The following OR51B5 variants were observed in gnomAD, a reference collection of about 807,000 sequenced individuals.
OR51B5 encodes olfactory receptor family 51 subfamily B member 5, also known as olfactory receptor 51B5.
For synonymous variants in OR51B5, 186 were observed against 144.8 expected (o/e 1.28, Z -2.04); for missense variants, 456 against 374.6 (o/e 1.22, Z -1.79).
At chr11:5,418,422 CAAAACAAAACAAAAAG>C (rs752064057) in intron 1 of OR51B5, among the ~76,000 whole-genome samples, 2 of 149,660 alleles carry the variant, frequency 1.3e-5, no homozygotes, top group Non-Finnish European at 3.0e-5. Flanking sequence ...AAAAACAAAA[CAAAACAAAACAAAAAG>C]AAAAACAAAA....
intron 1 of OR51B5, among the ~76,000 whole-genome samples, chr11:5,369,019 T>C (rs890652848): frequency 7.9e-5 from 12 of 152,168 alleles, no homozygotes; most frequent in African/African-American, 2.9e-4. Flanking sequence ...GTTTTTAGCC[T>C]CCTTCTGGGA....
At chr11:5,364,956 AG>A (rs1849343340) in intron 1 of OR51B5, among the ~76,000 whole-genome samples, 1 of 139,646 alleles carries the variant, frequency 7.2e-6, no homozygotes, top group African/African-American at 2.7e-5. Flanking sequence ...GCAGAGAGAG[AG>A]GGAAAAAAAT....
intron 1 of OR51B5, among the ~76,000 whole-genome samples, chr11:5,399,725 C>T (rs929025645): frequency 6.7e-6 from 1 of 149,914 alleles, no homozygotes; most frequent in African/African-American, 2.5e-5. Context: ...TGACCCTTAT[C>T]TGGCGGTAGA....
At chr11:5,494,343 G>A (rs1164772900) in intron 1 of OR51B5, among the ~76,000 whole-genome samples, 2 of 152,042 alleles carry the variant, frequency 1.3e-5, no homozygotes, top group Non-Finnish European at 2.9e-5. Flanking sequence ...GGACTTTATT[G>A]TCAGTACCTG....
intron 1 of OR51B5, among the ~76,000 whole-genome samples, chr11:5,410,487 A>G (rs753452356): frequency 3.7e-4 from 57 of 152,186 alleles, no homozygotes; most frequent in Admixed American, 1.5e-3. Context: ...TGACTTTTCA[A>G]TCAACAACGG....
At chr11:5,416,825 T>G (rs1850252057) in intron 1 of OR51B5, among the ~76,000 whole-genome samples, 1 of 151,598 alleles carries the variant, frequency 6.6e-6, no homozygotes, top group Non-Finnish European at 1.5e-5. Flanking sequence ...GTAGGAAGAA[T>G]CAATATTGTG....
intron 1 of OR51B5, among the ~76,000 whole-genome samples, chr11:5,467,700 G>A (rs1274567549): frequency 1.3e-5 from 2 of 152,184 alleles, no homozygotes; most frequent in East Asian, 1.9e-4. Context: ...TTCTGCTCAG[G>A]CATGTGCTTA....
intron 1 of OR51B5, among the ~76,000 whole-genome samples, chr11:5,400,988 G>C (rs944091741): frequency 2.6e-4 from 39 of 152,328 alleles, no homozygotes; most frequent in African/African-American, 9.1e-4. Flanking sequence ...AGGTGTGTCT[G>C]TGTGTGTTTG....
chr11:5,368,207 T>C (rs1485114807), intron 1 of OR51B5, among the ~76,000 whole-genome samples: 2 of 152,222 alleles, frequency 1.3e-5, no homozygotes, highest in Admixed American at 6.5e-5. Flanking sequence ...TTGAAACCTA[T>C]TGTTTCATGC....
At chr11:5,354,485 G>C (rs916768765) in intron 1 of OR51B5, among the ~76,000 whole-genome samples, 2 of 151,976 alleles carry the variant, frequency 1.3e-5, no homozygotes, top group African/African-American at 2.4e-5. Flanking sequence ...AAGTCCAAGA[G>C]AGGTGAAAGA....
chr11:5,418,959 G>A (rs111542391), intron 1 of OR51B5, among the ~76,000 whole-genome samples: 1 of 150,494 alleles, frequency 6.6e-6, no homozygotes. Context: ...TCTTGATATC[G>A]GTAATAGGGC....
chr11:5,431,371 A>G (rs1850533141), intron 1 of OR51B5: 3 of 261,120 alleles, frequency 1.1e-5, no homozygotes, highest in Admixed American at 9.7e-5. Context: ...AGCAGTGTAG[A>G]CACAGAGACG....
intron 1 of OR51B5, among the ~76,000 whole-genome samples, chr11:5,480,396 G>C (rs1028880666): frequency 7.9e-5 from 12 of 151,928 alleles, no homozygotes; most frequent in African/African-American, 1.9e-4. Context: ...AGGCCCACAA[G>C]AGAAAGCAGG....
chr11:5,477,822 A>T (rs1267814550), intron 1 of OR51B5, among the ~76,000 whole-genome samples: 1 of 152,174 alleles, frequency 6.6e-6, no homozygotes, highest in East Asian at 1.9e-4. Context: ...AAAACGGCGC[A>T]CCATGAGATT....
intron 1 of OR51B5, among the ~76,000 whole-genome samples, chr11:5,353,908 G>C (rs548278485): frequency 1.3e-5 from 2 of 152,294 alleles, no homozygotes; most frequent in South Asian, 4.1e-4. Flanking sequence ...TTCCAGGCTA[G>C]TAAATGATCT....
chr11:5,441,987 C>T (rs1850695874), intron 1 of OR51B5, among the ~76,000 whole-genome samples: 1 of 152,152 alleles, frequency 6.6e-6, no homozygotes, highest in Non-Finnish European at 1.5e-5. Context: ...ACTTTTCTAT[C>T]CCTGAAATCC....
At chr11:5,466,026 A>G (rs1334582410) in intron 1 of OR51B5, among the ~76,000 whole-genome samples, 1 of 152,012 alleles carries the variant, frequency 6.6e-6, no homozygotes, top group Non-Finnish European at 1.5e-5. Flanking sequence ...CAGGCAACCT[A>G]CAAAATGGGA....
intron 1 of OR51B5, among the ~76,000 whole-genome samples, chr11:5,410,179 T>C (rs1850123588): frequency 6.6e-6 from 1 of 151,670 alleles, no homozygotes. Flanking sequence ...AAATATGGAG[T>C]GAAATTAAAA....
chr11:5,399,481 G>T (rs573044670), intron 1 of OR51B5, among the ~76,000 whole-genome samples: 1 of 152,124 alleles, frequency 6.6e-6, no homozygotes, highest in African/African-American at 2.4e-5. Context: ...TGTGCACAAA[G>T]GTAAAGTACG....
Sources: gnomAD v4.1 joint callset for allele counts (sites outside exome capture counted in the v4.1 genomes callset) on GRCh38, gnomAD v4.1.1 for gene constraint, MANE v1.5 for transcripts, NCBI Gene and HGNC (gene_info 2026-07-23, HGNC 2026-07-21) for gene names.